Variants in DIP2C observed in about 807,000 individuals in gnomAD.
The protein encoded by DIP2C is DIP2 acetate--CoA ligase C (putative).
A neutral mutation model predicts 192.4 loss-of-function variants in DIP2C; 33 were observed. The ratio of observed to expected loss-of-function variants is 0.17; its 90% confidence interval spans 0.13 to 0.23. DIP2C has a LOEUF of 0.23. Among genes scored for constraint, DIP2C ranks in the 10% least tolerant of loss-of-function variants. DIP2C has a pLI of 1.00. For missense variants in DIP2C, 1,537 were observed against 2,110.1 expected, an observed-to-expected ratio of 0.73 and a Z score of 5.32; for synonymous variants, 979 against 864.1, an observed-to-expected ratio of 1.13 and a Z score of -2.33.
intron 4 of DIP2C, among the ~76,000 whole-genome samples, chr10:425,321 ATG>A (rs1261690817): frequency 1.4e-5 from 1 of 73,358 alleles, no homozygotes; most frequent in Non-Finnish European, 2.8e-5. Flanking sequence ...GCGGTGACTA[ATG>A]TGACACGGAT....
intron 3 of DIP2C, among the ~76,000 whole-genome samples, chr10:457,233 CTTTTT>C (rs1969377958): frequency 6.6e-6 from 1 of 152,128 alleles, no homozygotes; most frequent in Non-Finnish European, 1.5e-5. Flanking sequence ...TTATTTTATT[CTTTTT>C]ATTATTGTCT....
intron 1 of DIP2C, among the ~76,000 whole-genome samples, chr10:536,173 G>A (rs759962084): frequency 1.3e-5 from 2 of 152,288 alleles, no homozygotes; most frequent in Non-Finnish European, 2.9e-5. Context: ...TCCAGCATGT[G>A]CGCTCAGGCG....
intron 10 of DIP2C, among the ~76,000 whole-genome samples, chr10:397,767 ACATTG>A (rs1964111940): frequency 6.6e-6 from 1 of 152,238 alleles, no homozygotes; most frequent in Admixed American, 6.5e-5. Flanking sequence ...CTAAAACCTT[ACATTG>A]GTATGAGCGT....
At chr10:304,501 TG>T (rs1956211854) in intron 32 of DIP2C, among the ~76,000 whole-genome samples, 1 of 152,164 alleles carries the variant, frequency 6.6e-6, no homozygotes, top group South Asian at 2.1e-4. Context: ...TGGAGAACTC[TG>T]GCCCCCTCCC....
chr10:545,336 T>C (rs1848229886), intron 1 of DIP2C, among the ~76,000 whole-genome samples: 1 of 151,878 alleles, frequency 6.6e-6, no homozygotes, highest in Non-Finnish European at 1.5e-5. Context: ...CCAGGTAATT[T>C]TTGTAGTTTT....
At chr10:440,630 GGTAT>G (rs1967649751) in intron 4 of DIP2C, among the ~76,000 whole-genome samples, 1 of 152,244 alleles carries the variant, frequency 6.6e-6, no homozygotes, top group East Asian at 1.9e-4. Context: ...AGATTTTACT[GGTAT>G]GTATCATATG....
At chr10:339,017 G>A (rs1169335131) in intron 29 of DIP2C, among the ~76,000 whole-genome samples, 3 of 151,624 alleles carry the variant, frequency 2.0e-5, no homozygotes, top group Admixed American at 6.6e-5. Flanking sequence ...TCCGACGTGG[G>A]CTTGGGCACC....
chr10:305,713 T>G (rs1231768618), intron 32 of DIP2C, among the ~76,000 whole-genome samples: 2 of 152,168 alleles, frequency 1.3e-5, no homozygotes, highest in Non-Finnish European at 2.9e-5. Context: ...GGTGTGATCA[T>G]GGCTTACTGT....
At chr10:362,004 G>C (rs1290786947) in intron 22 of DIP2C, among the ~76,000 whole-genome samples, 2 of 151,960 alleles carry the variant, frequency 1.3e-5, no homozygotes, top group Admixed American at 1.3e-4. Context: ...CCGTGTGTGG[G>C]AGGGGGCGGA....
chr10:506,034 C>A (rs970410203), intron 1 of DIP2C, among the ~76,000 whole-genome samples: 6 of 152,178 alleles, frequency 3.9e-5, no homozygotes, highest in Non-Finnish European at 7.3e-5. Context: ...GACATCTACA[C>A]GATGTCACAT....
rs78754296 is a variant in DIP2C, at chr10:407,057, A to G, written c.1149+1869T>C. On this transcript the variant is annotated intron_variant, in intron 9 of 36. Transcript: ENST00000280886. ...TCCTTAAAAACTCTGAACGATCCTC[A>G]AACACTTGGGGAGACCGATTTGAGA... Among the ~76,000 whole-genome samples the G allele has an allele frequency of 6.0e-3, 910 of 152,272 alleles. 3 individuals are homozygous for G. Among genetic ancestry groups the G allele is most frequent in the Middle Eastern group, 0.014 (4 of 294 alleles).
chr10:287,691 T>C (rs1328372111), intron 33 of DIP2C, among the ~76,000 whole-genome samples: 1 of 130,944 alleles, frequency 7.6e-6, no homozygotes, highest in African/African-American at 2.9e-5. Context: ...AAAAAAAGAG[T>C]CTTTATTTAG....
At chr10:404,187 A>G (rs1359791835) in intron 9 of DIP2C, among the ~76,000 whole-genome samples, 1 of 147,990 alleles carries the variant, frequency 6.8e-6, no homozygotes, top group Admixed American at 6.8e-5. Context: ...CATGTGCATC[A>G]TTTTTGCATT....
intron 7 of DIP2C, among the ~76,000 whole-genome samples, chr10:414,739 G>GTGTGTGTGTGTGTATATATATATATATA: frequency 2.2e-5 from 2 of 90,510 alleles, no homozygotes; most frequent in African/African-American, 4.5e-5. Context: ...GTGTGTGTGT[G>GTGTGTGTGTGTGTATATATATATATATA]TACATATATA....
rs561479632 is a variant in DIP2C, at chr10:685,418, T to C, written c.85+4076A>G. ...CAGTGGGCATGGAACACGCTGACAA[T>C]TACCAAAGCCACAGAGTACAAAGCA... On this transcript the variant is annotated intron_variant, in intron 1 of 36. Coordinates refer to ENST00000280886, the MANE Select transcript of DIP2C (RefSeq NM_014974.3). Among the ~76,000 whole-genome samples, 541 of 151,934 alleles carry C rather than the reference T, an allele frequency of 3.6e-3. 4 individuals carry two copies. The highest frequency in any genetic ancestry group is 6.8e-3 in the Middle Eastern group (2 of 294).
At chr10:578,831 T>G (rs535494191) in intron 1 of DIP2C, among the ~76,000 whole-genome samples, 2 of 151,928 alleles carry the variant, frequency 1.3e-5, no homozygotes, top group Non-Finnish European at 2.9e-5. Context: ...AGCACACACA[T>G]CCAGATCCAT....
chr10:595,327 C>T (rs1017056966), intron 1 of DIP2C, among the ~76,000 whole-genome samples: 13 of 152,188 alleles, frequency 8.5e-5, no homozygotes, highest in African/African-American at 3.1e-4. Flanking sequence ...TTTTAATATA[C>T]AAACTTGCCA....
intron 1 of DIP2C, among the ~76,000 whole-genome samples, chr10:550,505 T>C (rs1362418870): frequency 2.0e-5 from 3 of 152,188 alleles, no homozygotes; most frequent in Non-Finnish European, 4.4e-5. Flanking sequence ...ATATTGAAGC[T>C]ACTGAAGTTT....
intron 9 of DIP2C, among the ~76,000 whole-genome samples, chr10:403,942 G>T (rs12761751): frequency 1.8e-5 from 1 of 55,608 alleles, no homozygotes; most frequent in Non-Finnish European, 3.4e-5. Flanking sequence ...CACGTGTGGT[G>T]GCATTAGCAT....
Sources: allele counts gnomAD v4.1 joint callset (sites outside exome capture counted in the v4.1 genomes callset), GRCh38; gene constraint gnomAD v4.1.1; transcripts MANE v1.5; gene names NCBI Gene and HGNC (gene_info 2026-07-23, HGNC 2026-07-21).